RASGRP3: variants seen among roughly 807,000 people sequenced by gnomAD.
RASGRP3 encodes ras guanyl-releasing protein 3.
In RASGRP3, 54 loss-of-function variants were observed where a neutral mutation model predicts 82.7. The ratio of observed to expected loss-of-function variants is 0.65; its 90% CI spans 0.52 to 0.82. The LOEUF (loss-of-function observed/expected upper bound fraction) is 0.82, where lower values mean the gene tolerates loss of function less well. RASGRP3 is among the 40% of genes least tolerant of loss of function. The pLI, the probability that RASGRP3 is intolerant of heterozygous loss-of-function variation, is 0.00. For synonymous variants in RASGRP3, 309 were observed against 300.5 expected (o/e 1.03, Z -0.29); for missense variants, 861 against 828.9 (o/e 1.04, Z -0.48).
At chr2:33,507,842 A>G (rs944271349) in intron 1 of RASGRP3, among the ~76,000 whole-genome samples, 1 of 152,216 alleles carries the variant, frequency 6.6e-6, no homozygotes, top group African/African-American at 2.4e-5. Context: ...TGGATTTTTA[A>G]AAGATTCTTT....
chr2:33,516,465 C>T, intron 3 of RASGRP3, 77 bp from the exon 4 acceptor site: 1 of 942,374 alleles, frequency 1.1e-6, no homozygotes, highest in Non-Finnish European at 1.6e-6. Context: ...TATGACACTA[C>T]TGCGTCTCTA....
chr2:33,455,961 C>T (rs1574238507), intron 2 of RASGRP3, among the ~76,000 whole-genome samples: 1 of 152,306 alleles, frequency 6.6e-6, no homozygotes, highest in Middle Eastern at 3.4e-3. Context: ...ATCAGTTAGA[C>T]AATTTCACGT....
intron 2 of RASGRP3, among the ~76,000 whole-genome samples, chr2:33,458,919 A>G (rs6757557): frequency 5.3e-4 from 80 of 152,326 alleles, no homozygotes; most frequent in Admixed American, 1.1e-3. Flanking sequence ...AATAAGGACT[A>G]ACTGGGGGCA....
intron 1 of RASGRP3, among the ~76,000 whole-genome samples, chr2:33,504,224 T>C (rs1031160807): frequency 1.3e-5 from 2 of 152,166 alleles, no homozygotes; most frequent in African/African-American, 4.8e-5. Context: ...TATTGTAATT[T>C]TGTGACCCAT....
At chr2:33,557,417 A>C (rs1299938336) in intron 15 of RASGRP3, among the ~76,000 whole-genome samples, 1 of 152,082 alleles carries the variant, frequency 6.6e-6, no homozygotes, top group Non-Finnish European at 1.5e-5. Flanking sequence ...AGAGTAAAAA[A>C]ATCCAGACAA....
intron 1 of RASGRP3, among the ~76,000 whole-genome samples, chr2:33,484,718 A>G (rs753520400): frequency 5.9e-5 from 9 of 152,178 alleles, no homozygotes; most frequent in African/African-American, 2.2e-4. Context: ...AATAACGCTT[A>G]TTTTCACATC....
chr2:33,478,661 C>T (rs1489164081), intron 1 of RASGRP3, among the ~76,000 whole-genome samples: 1 of 152,164 alleles, frequency 6.6e-6, no homozygotes, highest in Non-Finnish European at 1.5e-5. Context: ...ATAGTACATC[C>T]ATTGACTCAA....
intron 2 of RASGRP3, among the ~76,000 whole-genome samples, chr2:33,470,769 A>G (rs1667012897): frequency 6.6e-6 from 1 of 152,166 alleles, no homozygotes; most frequent in Non-Finnish European, 1.5e-5. Context: ...GGCCAGAACA[A>G]TTAATTTTGT....
chr2:33,466,459 A>C (rs1666701362), intron 2 of RASGRP3, among the ~76,000 whole-genome samples: 1 of 152,158 alleles, frequency 6.6e-6, no homozygotes, highest in African/African-American at 2.4e-5. Context: ...CGGACAGATC[A>C]CCTGAGGTCA....
chr2:33,474,067 C>T (rs1026447366), upstream of RASGRP3, among the ~76,000 whole-genome samples: 6 of 152,208 alleles, frequency 3.9e-5, no homozygotes, highest in African/African-American at 1.4e-4. Context: ...GTCATGCTCC[C>T]TTGACTGCTG....
chr2:33,453,956 C>G (rs182241408), intron 2 of RASGRP3, among the ~76,000 whole-genome samples: 5 of 152,244 alleles, frequency 3.3e-5, no homozygotes, highest in Non-Finnish European at 7.4e-5. Context: ...GGCTGAAGCT[C>G]AAAATCAAGG....
intron 6 of RASGRP3, 111 bp downstream of exon 6, chr2:33,520,795 T>G: frequency 6.9e-7 from 1 of 1,449,502 alleles, no homozygotes; most frequent in Non-Finnish European, 9.4e-7. Context: ...CCAGGTTTGC[T>G]TCTGTGAGGA....
intron 17 of RASGRP3, among the ~76,000 whole-genome samples, chr2:33,560,728 G>A (rs560373865): frequency 3.3e-5 from 5 of 152,352 alleles, no homozygotes; most frequent in South Asian, 2.1e-4. Context: ...ATGGTAGGAC[G>A]CCTACCAGAG....
At chr2:33,480,725 T>A (rs1667818783) in intron 1 of RASGRP3, among the ~76,000 whole-genome samples, 1 of 152,214 alleles carries the variant, frequency 6.6e-6, no homozygotes, top group Non-Finnish European at 1.5e-5. Context: ...AAAGTTAACT[T>A]TCCTGGATCC....
intron 1 of RASGRP3, among the ~76,000 whole-genome samples, chr2:33,509,795 G>T (rs1558462650): frequency 6.6e-6 from 1 of 152,222 alleles, no homozygotes; most frequent in East Asian, 1.9e-4. Context: ...CCTTCTACCA[G>T]CCACTCTAGT....
At chr2:33,446,971 G>A (rs1296685808) in intron 1 of RASGRP3, among the ~76,000 whole-genome samples, 1 of 151,898 alleles carries the variant, frequency 6.6e-6, no homozygotes, top group Non-Finnish European at 1.5e-5. Context: ...GTGAAACCCC[G>A]TCTCTGCTAA....
rs1293156265 is a variant in RASGRP3, at chr2:33,538,184, C to T, written c.1162-910C>T. Among the ~76,000 whole-genome samples, 6 of 152,152 alleles carry T rather than the reference C, an allele frequency of 3.9e-5. No individual in the cohort carries two copies. The South Asian group carries it at 1.2e-3, about 32-fold the overall frequency. On this transcript the variant is annotated intron_variant, in intron 11 of 17. Transcript: ENST00000403687. ...ATAGGATTTTTGGATGGACTGGGAG[C>T]GCATTGCTTTTTTCCCATTTAAAAT...
chr2:33,482,813 G>A (rs922177231), intron 1 of RASGRP3: 1 of 152,102 alleles, frequency 6.6e-6, no homozygotes, highest in East Asian at 1.9e-4. Flanking sequence ...TAGAGGTAGG[G>A]GAAAAACATG....
intron 1 of RASGRP3, among the ~76,000 whole-genome samples, chr2:33,505,679 A>G (rs1670305703): frequency 1.3e-5 from 2 of 152,234 alleles, no homozygotes; most frequent in Admixed American, 1.3e-4. Flanking sequence ...GAAGTTTAAA[A>G]TTTTAACTTC....
Sources: allele counts gnomAD v4.1 joint callset (sites outside exome capture counted in the v4.1 genomes callset), GRCh38; gene constraint gnomAD v4.1.1; transcripts MANE v1.5; gene names NCBI Gene and HGNC (gene_info 2026-07-23, HGNC 2026-07-21).